PPP3CA: variants seen among roughly 807,000 people sequenced by gnomAD.
The protein encoded by PPP3CA is protein phosphatase 3 catalytic subunit alpha, also known as CAM-PRP catalytic subunit.
Under a neutral mutation model 66.5 loss-of-function variants are expected in PPP3CA, and 14 were observed. That is an observed-to-expected ratio of 0.21 (90% CI 0.14 to 0.33). PPP3CA has a LOEUF of 0.33. PPP3CA is among the 10% of genes least tolerant of loss of function. The probability of loss-of-function intolerance (pLI) is 1.00; values close to 1 mark genes in which losing one functional copy is unlikely to be tolerated. For missense variants in PPP3CA, 317 were observed against 639.5 expected (o/e 0.50, Z 5.44); for synonymous variants, 232 against 226.2 (o/e 1.03, Z -0.23).
At chr4:101,128,746 G>A (rs183952519) in intron 2 of PPP3CA, among the ~76,000 whole-genome samples, 122 of 152,166 alleles carry the variant, frequency 8.0e-4, no homozygotes, top group African/African-American at 2.8e-3. Flanking sequence ...CGGCCTTTGC[G>A]ACCCATAAAC....
chr4:101,115,740 C>T (rs1025812989), intron 2 of PPP3CA, among the ~76,000 whole-genome samples: 2 of 151,868 alleles, frequency 1.3e-5, no homozygotes, highest in African/African-American at 4.8e-5. Context: ...TAAAATTACT[C>T]AACAATATCT....
intron 2 of PPP3CA, among the ~76,000 whole-genome samples, chr4:101,170,898 C>T (rs1441091691): frequency 6.6e-6 from 1 of 152,014 alleles, no homozygotes; most frequent in Non-Finnish European, 1.5e-5. Flanking sequence ...GACACAAATC[C>T]CTGCCTTCAA....
At chr4:101,060,376 C>G (rs145551416) in intron 10 of PPP3CA, among the ~76,000 whole-genome samples, 49 of 152,186 alleles carry the variant, frequency 3.2e-4, no homozygotes, top group African/African-American at 1.1e-3. Context: ...AACTGTACTT[C>G]TTAAATGCAG....
chr4:101,110,259 A>AT (rs1721626323), intron 2 of PPP3CA, among the ~76,000 whole-genome samples: 1 of 152,184 alleles, frequency 6.6e-6, no homozygotes, highest in South Asian at 2.1e-4. Context: ...ATATCCTGCA[A>AT]TTACAAGCAA....
chr4:101,303,325 A>G (rs750208527), intron 1 of PPP3CA, among the ~76,000 whole-genome samples: 3 of 152,152 alleles, frequency 2.0e-5, no homozygotes, highest in Non-Finnish European at 4.4e-5. Context: ...ACACTAGCTC[A>G]CCCTAGGGAA....
At position 101,168,735 on chromosome 4, in the gene PPP3CA, T is replaced by C. The variant is rs566226522; in HGVS notation, c.259+27181A>G. Among the ~76,000 whole-genome samples, 4 of 152,322 alleles carry C rather than the reference T, an allele frequency of 2.6e-5. No individual in the cohort carries two copies. The South Asian group carries it at 6.2e-4, about 24-fold the overall frequency. ...GCTGATGGCAAAAAGGTTCAGGTACTGAACTGAATAATATCTATTAAGACC... is the reference window on the plus strand; with the variant it reads ...GCTGATGGCAAAAAGGTTCAGGTACCGAACTGAATAATATCTATTAAGACC... On this transcript the variant is annotated intron_variant, in intron 2 of 13. Coordinates refer to ENST00000394854, the MANE Select transcript of PPP3CA (RefSeq NM_000944.5).
intron 8 of PPP3CA, among the ~76,000 whole-genome samples, chr4:101,066,170 C>T (rs892584884): frequency 9.2e-5 from 14 of 152,104 alleles, no homozygotes; most frequent in African/African-American, 2.7e-4. Flanking sequence ...CCTTCTAGTA[C>T]ATCATAATAC....
intron 2 of PPP3CA, among the ~76,000 whole-genome samples, chr4:101,153,926 A>G (rs1034361732): frequency 2.6e-5 from 4 of 152,218 alleles, no homozygotes; most frequent in Non-Finnish European, 5.9e-5. Context: ...TACAGAAAAA[A>G]AAAAGCACAA....
chr4:101,221,560 T>C (rs1204009477), intron 1 of PPP3CA, among the ~76,000 whole-genome samples: 2 of 151,390 alleles, frequency 1.3e-5, no homozygotes, highest in African/African-American at 2.4e-5. Context: ...TTCCATTCAC[T>C]TCGCTAAAAA....
intron 1 of PPP3CA, among the ~76,000 whole-genome samples, chr4:101,267,899 T>A (rs959465381): frequency 6.7e-6 from 1 of 149,810 alleles, no homozygotes; most frequent in Non-Finnish European, 1.5e-5. Context: ...TTTAAACTTT[T>A]AAAACCTTTT....
chr4:101,115,704 T>C (rs775544753), intron 2 of PPP3CA, among the ~76,000 whole-genome samples: 12 of 151,880 alleles, frequency 7.9e-5, no homozygotes, highest in African/African-American at 1.5e-4. Flanking sequence ...ACAAAACCAA[T>C]GTAATATAAA....
chr4:101,108,748 G>A lies in PPP3CA; in HGVS notation c.384+206C>T, dbSNP rs1356054753. Among the ~76,000 whole-genome samples, 6 of 152,186 alleles carry A rather than the reference G, an allele frequency of 3.9e-5. No individual in the cohort carries two copies. The East Asian group carries it at 5.8e-4, about 15-fold the overall frequency. On this transcript the variant is annotated intron_variant, in intron 3 of 13. Transcript: ENST00000394854. Reference sequence around the variant, plus strand: ...CACGCCACTGCACTCCAGCCTGGGCGACAGAGTGAGACTCCGTCTCAAAAA... The same window carrying A: ...CACGCCACTGCACTCCAGCCTGGGCAACAGAGTGAGACTCCGTCTCAAAAA...
intron 1 of PPP3CA, among the ~76,000 whole-genome samples, chr4:101,222,312 C>T (rs754873840): frequency 7.3e-5 from 11 of 151,592 alleles, no homozygotes; most frequent in Admixed American, 2.0e-4. Flanking sequence ...TATAAGTGGA[C>T]GCAATTCATT....
At chr4:101,295,326 A>G (rs953621566) in intron 1 of PPP3CA, among the ~76,000 whole-genome samples, 7 of 151,484 alleles carry the variant, frequency 4.6e-5, no homozygotes, top group Admixed American at 2.0e-4. Context: ...AAAAAAAAAA[A>G]AAAAAGAAAG....
At chr4:101,213,813 C>T (rs1213978044) in intron 1 of PPP3CA, among the ~76,000 whole-genome samples, 1 of 152,098 alleles carries the variant, frequency 6.6e-6, no homozygotes, top group Non-Finnish European at 1.5e-5. Flanking sequence ...GCCCTCTCCA[C>T]TAAAGCTCGC....
intron 1 of PPP3CA, among the ~76,000 whole-genome samples, chr4:101,208,996 G>A (rs759026883): frequency 6.6e-6 from 1 of 152,098 alleles, no homozygotes; most frequent in Admixed American, 6.5e-5. Context: ...CTATGTAAAA[G>A]CAACTTTCCT....
chr4:101,106,444 A>AG (rs1365554704), intron 3 of PPP3CA, among the ~76,000 whole-genome samples: 1 of 13,118 alleles, frequency 7.6e-5, no homozygotes, highest in African/African-American at 3.2e-4. Context: ...AAAGAAAGAA[A>AG]GAAAGAAAGA....
intron 6 of PPP3CA, among the ~76,000 whole-genome samples, chr4:101,086,651 A>C (rs148030144): frequency 2.6e-5 from 4 of 152,276 alleles, no homozygotes; most frequent in African/African-American, 9.6e-5. Context: ...TCACCTGTGA[A>C]GCATTCTCTT....
chr4:101,231,500 A>G (rs879509118), intron 1 of PPP3CA, among the ~76,000 whole-genome samples: 1 of 151,792 alleles, frequency 6.6e-6, no homozygotes, highest in Non-Finnish European at 1.5e-5. Flanking sequence ...TATTGATTTG[A>G]CAAATGAAGA....
Sources: allele counts gnomAD v4.1 joint callset (sites outside exome capture counted in the v4.1 genomes callset), GRCh38; gene constraint gnomAD v4.1.1; transcripts MANE v1.5; gene names NCBI Gene and HGNC (gene_info 2026-07-23, HGNC 2026-07-21).